Variants in TOX2 observed in about 807,000 individuals in gnomAD.
The protein encoded by TOX2 is TOX high mobility group box family member 2.
TOX2 carries 15 observed loss-of-function variants against 47.4 expected under a neutral mutation model. The observed-to-expected ratio is 0.32, with a 90% CI of 0.21 to 0.49. The LOEUF (loss-of-function observed/expected upper bound fraction) is 0.49, where lower values mean the gene tolerates loss of function less well. TOX2 is among the 20% of genes least tolerant of loss of function. TOX2 has a pLI of 0.99. For missense variants in TOX2, 622 were observed against 673.1 expected (o/e 0.92, Z 0.84); for synonymous variants, 290 against 296.6 (o/e 0.98, Z 0.23).
chr20:43,952,264 C>T (rs1417493274), intron 1 of TOX2, among the ~76,000 whole-genome samples: 1 of 151,970 alleles, frequency 6.6e-6, no homozygotes, highest in Non-Finnish European at 1.5e-5. Context: ...GTGTCAAACT[C>T]CTAGTCTCAG....
intron 3 of TOX2, among the ~76,000 whole-genome samples, chr20:44,023,935 C>T (rs1329438721): frequency 6.6e-6 from 1 of 152,234 alleles, no homozygotes; most frequent in African/African-American, 2.4e-5. Context: ...CCCCTTCCCT[C>T]CTTCCTCAGC....
At chr20:43,972,303 A>G (rs1204674669) in intron 1 of TOX2, among the ~76,000 whole-genome samples, 1 of 152,132 alleles carries the variant, frequency 6.6e-6, no homozygotes, top group South Asian at 2.1e-4. Context: ...TCTGCATACA[A>G]TTCATGCCCC....
chr20:44,033,431 G>A (rs919444186), intron 3 of TOX2, among the ~76,000 whole-genome samples: 1 of 152,158 alleles, frequency 6.6e-6, no homozygotes, highest in Non-Finnish European at 1.5e-5. Flanking sequence ...CCTGATCCCT[G>A]GGGCCTGTAA....
Position 44,006,710 on chromosome 20 carries a change from A to G in TOX2, c.329A>G (p.Tyr110Cys), listed in dbSNP as rs202060984. The change falls in exon 3 of 9, where the codon TAT becomes TGT. Residue 110 changes from tyrosine to cysteine, a missense_variant. Physicochemically the swap from Tyr to Cys is radical, Grantham distance 194. Transcript: ENST00000341197. ...TPNGLLPAYS[Y>C]QAMDLPAIMV... The stretch of plus-strand genomic sequence containing the variant: ...AACGGTCTGCTCCCTGCCTACTCCT[A>G]TCAGGCCATGGACCTCCCAGCCATC... 26 of 1,614,004 alleles carry G rather than the reference A, an allele frequency of 1.6e-5. No homozygotes were observed. The East Asian group carries it at 2.5e-4, about 15-fold the overall frequency.
intron 1 of TOX2, among the ~76,000 whole-genome samples, chr20:43,957,381 C>CTT (rs977485478): frequency 6.6e-6 from 1 of 152,202 alleles, no homozygotes; most frequent in Non-Finnish European, 1.5e-5. Context: ...TAAGCGTGAG[C>CTT]TTTAGCAGAA....
intron 3 of TOX2, among the ~76,000 whole-genome samples, chr20:44,043,080 A>G (rs1399928676): frequency 6.6e-6 from 1 of 152,204 alleles, no homozygotes; most frequent in African/African-American, 2.4e-5. Flanking sequence ...GAAGTTTTAT[A>G]TGCTTGCGGG....
chr20:43,921,662 C>T (rs74418934), intron 1 of TOX2, among the ~76,000 whole-genome samples: 1 of 148,072 alleles, frequency 6.8e-6, no homozygotes, highest in African/African-American at 2.5e-5. Context: ...TCTTCTTCTT[C>T]TTTTTTTTTT....
Position 44,048,396 on chromosome 20 carries a change from ATATATATATATATATATG to A in TOX2, c.412-2905_412-2888del, listed in dbSNP as rs1163335893. On this transcript the variant is annotated intron_variant, in intron 3 of 8. Coordinates refer to ENST00000341197, the MANE Select transcript of TOX2 (RefSeq NM_001098797.2). ...ATCTGGATAAAATGAATTTATATATATATATATATATATATATGTATAATTTACCAAAACTGACTCGAG... is the reference window on the plus strand; with the variant it reads ...ATCTGGATAAAATGAATTTATATATATATAATTTACCAAAACTGACTCGAG... Among the ~76,000 whole-genome samples, 20 of 128,832 alleles carry A rather than the reference ATATATATATATATATATG, an allele frequency of 1.6e-4. 1 individual carries two copies. Among genetic ancestry groups the A allele is most frequent in the South Asian group, 2.3e-4 (1 of 4,270 alleles). The allele number at this position is 128,832 out of a possible 152,430, so 84.5% of individuals were successfully genotyped here.
intron 6 of TOX2, among the ~76,000 whole-genome samples, chr20:44,065,259 A>G (rs540259576): frequency 6.6e-6 from 1 of 152,198 alleles, no homozygotes; most frequent in Non-Finnish European, 1.5e-5. Flanking sequence ...CAACACCAGC[A>G]ACGTAGGAAG....
At chr20:43,969,168 G>A (rs1190538825) in intron 1 of TOX2, among the ~76,000 whole-genome samples, 2 of 152,240 alleles carry the variant, frequency 1.3e-5, no homozygotes, top group African/African-American at 2.4e-5. Context: ...TGCCTGTGCT[G>A]TGTGTGCGTT....
intron 3 of TOX2, among the ~76,000 whole-genome samples, chr20:44,025,048 TC>T (rs1289401806): frequency 6.6e-6 from 1 of 152,240 alleles, no homozygotes; most frequent in East Asian, 1.9e-4. Flanking sequence ...GGGTGTTTCA[TC>T]ATGTACTTAA....
intron 2 of TOX2, among the ~76,000 whole-genome samples, chr20:43,983,109 C>T (rs1298866078): frequency 6.6e-6 from 1 of 151,896 alleles, no homozygotes; most frequent in Non-Finnish European, 1.5e-5. Flanking sequence ...ACAGGGCATG[C>T]GCAGCACCCA....
chr20:43,919,572 G>A (rs998583340), intron 1 of TOX2, among the ~76,000 whole-genome samples: 1 of 152,064 alleles, frequency 6.6e-6, no homozygotes, highest in African/African-American at 2.4e-5. Flanking sequence ...TGTTACATAG[G>A]TAAACGTCTG....
intron 3 of TOX2, among the ~76,000 whole-genome samples, chr20:44,027,154 G>A (rs2071080418): frequency 6.6e-6 from 1 of 152,234 alleles, no homozygotes; most frequent in African/African-American, 2.4e-5. Context: ...GGTGGCCAAA[G>A]AGATTTCAAC....
chr20:44,054,992 G>C (rs1203843172), intron 5 of TOX2, among the ~76,000 whole-genome samples: 1 of 152,198 alleles, frequency 6.6e-6, no homozygotes, highest in East Asian at 1.9e-4. Flanking sequence ...AACTCTCTGA[G>C]CCTCGGTTTT....
chr20:44,068,497 G>A (rs1158936185), intron 8 of TOX2, among the ~76,000 whole-genome samples, 153 bp from the exon 9 acceptor site: 1 of 150,630 alleles, frequency 6.6e-6, no homozygotes, highest in Non-Finnish European at 1.5e-5. Context: ...GAGGTGGGTG[G>A]GGGTGGGACT....
chr20:44,065,753 C>G lies in TOX2; in HGVS notation c.1002C>G (p.Asn334Lys). 1 of 1,605,904 alleles carries G rather than the reference C, an allele frequency of 6.2e-7. No homozygotes were observed. The highest frequency in any genetic ancestry group is 8.5e-7 in the Non-Finnish European group (1 of 1,173,856). The change falls in exon 7 of 9, where the codon AAC becomes AAG. Residue 334 changes from asparagine (N) to lysine (K), a missense_variant. Asn to Lys is a moderately conservative substitution (Grantham distance 94). This residue lies in a region of TOX2 where 294 missense variants were observed against 300.0 expected (regional missense o/e 0.98). Transcript: ENST00000341197. Reference protein sequence around the residue: ...DQGETKSTQANPPAKMLPPKQ... With the variant: ...DQGETKSTQAKPPAKMLPPKQ... ...GTGAGACCAAGAGCACTCAGGCAAA[C>G]CCACCAGCCAAAATGCTCCCACCCA...
chr20:43,945,713 C>T (rs1313403533), intron 1 of TOX2: 4 of 680,998 alleles, frequency 5.9e-6, no homozygotes, highest in Non-Finnish European at 9.2e-6. Context: ...CCACCAGGAG[C>T]TCCGAACACG....
At chr20:43,939,991 G>T (rs2069380624) in intron 1 of TOX2, among the ~76,000 whole-genome samples, 1 of 152,142 alleles carries the variant, frequency 6.6e-6, no homozygotes, top group Non-Finnish European at 1.5e-5. Flanking sequence ...TTTTCCTTAG[G>T]GAAAATGAAG....
Sources: allele counts gnomAD v4.1 joint callset (sites outside exome capture counted in the v4.1 genomes callset), GRCh38; gene constraint gnomAD v4.1.1; regional missense constraint gnomAD v4.1.1; transcripts MANE v1.5; gene names NCBI Gene and HGNC (gene_info 2026-07-23, HGNC 2026-07-21).